ADAMTS13: variants seen among roughly 807,000 people sequenced by gnomAD.
ADAMTS13 encodes the protein ADAM metallopeptidase with thrombospondin type 1 motif 13.
A neutral mutation model predicts 155.1 loss-of-function variants in ADAMTS13; 110 were observed. The ratio of observed to expected loss-of-function variants is 0.71; its 90% CI spans 0.61 to 0.83. ADAMTS13 has a LOEUF of 0.83. Among genes scored for constraint, ADAMTS13 ranks in the 40% least tolerant of loss-of-function variants. The pLI, the probability that ADAMTS13 is intolerant of heterozygous loss-of-function variation, is 0.00. For missense variants in ADAMTS13, 1,707 were observed against 1,891.7 expected, an observed-to-expected ratio of 0.90 and a Z score of 1.81; for synonymous variants, 758 against 756.4, an observed-to-expected ratio of 1.00 and a Z score of -0.03.
chr9:133,458,487 T>G (rs1842875650), intron 28 of ADAMTS13, among the ~76,000 whole-genome samples: 1 of 127,104 alleles, frequency 7.9e-6, no homozygotes. Context: ...ACCCGGGAGG[T>G]GGAGGTTGCA....
intron 8 of ADAMTS13, 190 bp downstream of exon 8, chr9:133,430,291 C>A: frequency 2.4e-6 from 2 of 844,048 alleles, no homozygotes; most frequent in Non-Finnish European, 3.8e-6. Flanking sequence ...ACAAAAGCTC[C>A]AACATTTTTG....
chr9:133,459,169 G>A lies in ADAMTS13; in HGVS notation c.4105G>A (p.Glu1369Lys), dbSNP rs1554797194. 2 of 1,609,992 alleles carry A rather than the reference G, an allele frequency of 1.2e-6. No homozygotes were observed. Among genetic ancestry groups the A allele is most frequent in the South Asian group, 1.1e-5 (1 of 90,502 alleles). Residue 1369 changes from glutamate to lysine, a missense_variant, in exon 29 of 29, where the codon GAA (glutamate) becomes AAA (lysine). Glu to Lys is a moderately conservative substitution (Grantham distance 56). Coordinates refer to ENST00000355699, the MANE Select transcript of ADAMTS13 (RefSeq NM_139027.6). The stretch of plus-strand genomic sequence containing the variant: ...GGACCCTCAGTCCTGGAAGGGAAAG[G>A]AAGGAACCTGAGGGTCATTGAACAT... ...MQDPQSWKGK[E>K]GT
chr9:133,428,566 C>CCGGG, intron 6 of ADAMTS13, 68 bp from the exon 7 acceptor site: 5 of 283,530 alleles, frequency 1.8e-5, no homozygotes, highest in East Asian at 6.1e-5. Flanking sequence ...CGCCGACCCC[C>CCGGG]GTCCCGCCCC....
In ADAMTS13 at chr9:133,424,110, C is replaced by G. The variant is rs7872815; in HGVS notation, c.173-211C>G. 0.036 allele frequency among the ~76,000 whole-genome samples: 5,417 copies of G among 152,338 alleles called. 123 individuals carry two copies. Among genetic ancestry groups the G allele is most frequent in the Non-Finnish European group, 0.037 (2,540 of 68,020 alleles). ...TGGGAATCTTGTCTTGATGGGGTGA[C>G]CCAAAGCACACAATAGCCCAACAGC... On this transcript the variant is annotated intron_variant, in intron 2 of 28. Coordinates refer to ENST00000355699, the MANE Select transcript of ADAMTS13 (RefSeq NM_139027.6). This position sits in a 1 kb window ranked among gnomAD's most constrained non-coding sequence, Gnocchi z 4.3.
chr9:133,455,709 T>C, intron 25 of ADAMTS13: 2 of 1,443,368 alleles, frequency 1.4e-6, no homozygotes, highest in South Asian at 1.1e-5. Flanking sequence ...CTGGGTTGTG[T>C]GCCTGGGAGG....
chr9:133,459,304 A>G lies in ADAMTS13; in HGVS notation c.*124A>G, dbSNP rs899820690. On this transcript the variant is annotated 3_prime_UTR_variant, in exon 29 of 29. Coordinates refer to ENST00000355699, the MANE Select transcript of ADAMTS13 (RefSeq NM_139027.6). The stretch of plus-strand genomic sequence containing the variant: ...ACTTTAGAGTCTTCTCCAATGTCCA[A>G]AAGGCTAGGGGGTTGGAGGTGGGGA... 3.1e-5 allele frequency: 32 copies of G among 1,017,416 alleles called. No individual in the cohort carries two copies. The African/African-American group carries it at 4.0e-4, about 13-fold the overall frequency. The allele number at this position is 1,017,416 out of a possible 1,614,324, so 63.0% of individuals were successfully genotyped here.
intron 15 of ADAMTS13, among the ~76,000 whole-genome samples, chr9:133,439,829 A>G (rs928906108): frequency 1.3e-5 from 2 of 152,180 alleles, no homozygotes; most frequent in Non-Finnish European, 2.9e-5. Context: ...GTTTGAGTGC[A>G]AAGACATGAT....
intron 28 of ADAMTS13, among the ~76,000 whole-genome samples, chr9:133,458,534 C>CAAA (rs2130960504): frequency 9.6e-6 from 1 of 104,610 alleles, no homozygotes; most frequent in African/African-American, 3.8e-5. Flanking sequence ...CCAGCCTGGG[C>CAAA]AACAGAGTGA....
At chr9:133,420,786 C>G (rs1554782973), upstream of ADAMTS13, among the ~76,000 whole-genome samples, 1 of 152,186 alleles carries the variant, frequency 6.6e-6, no homozygotes, top group African/African-American at 2.4e-5. Flanking sequence ...AGGATTGGCT[C>G]TTTCAGGGTT....
At position 133,443,411 on chromosome 9, in the gene ADAMTS13, C is replaced by A; in HGVS notation, c.2270C>A (p.Ser757Tyr). ...GGAGACTTCGGCCCATGCAGCGCCT[C>A]CTGTGGGGGTGGCCTGCGGGAGCGG... ...AVGDFGPCSA[S>Y]CGGGLRERPV... The change falls in exon 19 of 29, where the codon TCC becomes TAC. Residue 757 changes from serine (S) to tyrosine (Y), a missense_variant. Ser to Tyr is a moderately radical substitution (Grantham distance 144). Around this residue, in one of 3 missense-constraint regions of ADAMTS13, gnomAD observed 961 missense variants for 1,107.9 expected, o/e 0.87. Transcript: ENST00000355699. The A allele has an allele frequency of 6.3e-7, 1 of 1,599,308 alleles. No individual in the cohort carries two copies. The highest frequency in any genetic ancestry group is 2.2e-5 in the East Asian group (1 of 44,640).
chr9:133,438,074 A>C (rs1244557190), intron 13 of ADAMTS13, among the ~76,000 whole-genome samples, 172 bp from the exon 14 acceptor site: 1 of 152,092 alleles, frequency 6.6e-6, no homozygotes, highest in Non-Finnish European at 1.5e-5. Flanking sequence ...CTGCAGTGTG[A>C]CCTTGGGCAA....
At position 133,442,461 on chromosome 9, in the gene ADAMTS13, C is replaced by T. The variant is rs781784468; in HGVS notation, c.2031C>T (p.Tyr677=). Residue 677 remains tyrosine, a synonymous_variant, in exon 17 of 29, where the codon TAC becomes TAT. Transcript: ENST00000355699. The stretch of plus-strand genomic sequence containing the variant: ...CCCGCCCAGACATCACCTTCACCTA[C>T]TTCCAGCCTAAGCCACGGCAGGCCT... ...NLTRPDITFT[Y]FQPKPRQAWV... The T allele has an allele frequency of 2.5e-6, 4 of 1,613,918 alleles. No individual in the cohort carries two copies. The highest frequency in any genetic ancestry group is 2.5e-6 in the Non-Finnish European group (3 of 1,180,046).
chr9:133,422,697 G>T (rs1235735974), intron 1 of ADAMTS13, 149 bp downstream of exon 1: 2 of 753,134 alleles, frequency 2.7e-6, no homozygotes, highest in Middle Eastern at 3.0e-4. Context: ...GGCTTTGGGG[G>T]ATGAAGTGTG....
At position 133,437,770 on chromosome 9, in the gene ADAMTS13, T is replaced by A; in HGVS notation, c.1457T>A (p.Met486Lys). The A allele has an allele frequency of 6.2e-7, 1 of 1,613,858 alleles. No homozygotes were observed. The highest frequency in any genetic ancestry group is 8.5e-7 in the Non-Finnish European group (1 of 1,180,024). ...HSQGDALCRHMCRAIGESFIM... is the reference protein window; with the variant it reads ...HSQGDALCRHKCRAIGESFIM... ...CCAGGGGATGCTCTGTGCAGACACA[T>A]GTGCCGGGCCATTGGCGAGAGCTTC... The change falls in exon 13 of 29, where the codon ATG becomes AAG. Residue 486 changes from methionine to lysine, a missense_variant. This residue lies in a region of ADAMTS13 where 733 missense variants were observed against 749.6 expected (regional missense o/e 0.98). Coordinates refer to ENST00000355699, the MANE Select transcript of ADAMTS13 (RefSeq NM_139027.6).
rs1554784634 is a variant in ADAMTS13 at position 133,424,422 on chromosome 9, G to A, written c.274G>A (p.Val92Ile). 6.2e-7 allele frequency: 1 copy of A among 1,613,862 alleles called. No homozygotes were observed. Among genetic ancestry groups the A allele is most frequent in the East Asian group, 2.2e-5 (1 of 44,870 alleles). The change falls in exon 3 of 29, where the codon GTC becomes ATC. Residue 92 changes from valine to isoleucine, a missense_variant. Around this residue, in one of 3 missense-constraint regions of ADAMTS13, gnomAD observed 733 missense variants for 749.6 expected, o/e 0.98. Transcript: ENST00000355699. This position sits in a 1 kb window ranked among gnomAD's most constrained non-coding sequence, Gnocchi z 4.3. ...GCTGCTGGTGGCCGTGGGCCCCGAT[G>A]TCTTCCAGGCTCACCAGGAGGACAC... is the stretch of plus-strand genomic sequence containing the variant. Reference protein sequence around the residue: ...LELLVAVGPDVFQAHQEDTER... With the variant: ...LELLVAVGPDIFQAHQEDTER...
At chr9:133,417,978 G>A (rs1231357323), upstream of ADAMTS13, 13 of 790,326 alleles carry the variant, frequency 1.6e-5, no homozygotes, top group South Asian at 7.2e-5. Context: ...TCCAGGAAAA[G>A]ACTCCGGAAG....
intron 23 of ADAMTS13, among the ~76,000 whole-genome samples, chr9:133,451,928 A>G (rs1421649218): frequency 6.6e-6 from 1 of 151,318 alleles, no homozygotes; most frequent in Non-Finnish European, 1.5e-5. Context: ...ATTTTACTTA[A>G]ATTTAAACCC....
rs983783262 is a variant in ADAMTS13, at chr9:133,441,228, G to A, written c.1968+703G>A. ...GGAGAGGGGCCCAGTCTCAGCGGCC[G>A]GAGCAGCGTCCTCTGCCCCTACAGC... On this transcript the variant is annotated intron_variant, in intron 16 of 28. Coordinates refer to ENST00000355699, the MANE Select transcript of ADAMTS13 (RefSeq NM_139027.6). The surrounding 1 kb of genome is among the most constrained non-coding windows in gnomAD (Gnocchi z 5.0). 3.9e-5 allele frequency among the ~76,000 whole-genome samples: 6 copies of A among 152,248 alleles called. No homozygotes were observed. Among genetic ancestry groups the A allele is most frequent in the East Asian group, 3.9e-4 (2 of 5,182 alleles).
chr9:133,422,180 A>T (rs1839996110), upstream of ADAMTS13: 4 of 566,868 alleles, frequency 7.1e-6, no homozygotes, highest in South Asian at 8.7e-5. Context: ...GCACATCCGG[A>T]GAGCTGTCTG....
Sources: gnomAD v4.1 joint callset for allele counts (sites outside exome capture counted in the v4.1 genomes callset) on GRCh38, gnomAD v4.1.1 for gene constraint, gnomAD v4.1.1 regional missense constraint, Gnocchi (gnomAD v3.1) non-coding constraint, MANE v1.5 for transcripts, NCBI Gene and HGNC (gene_info 2026-07-23, HGNC 2026-07-21) for gene names.